The following MRC1 variants were observed in gnomAD, a reference collection of about 807,000 sequenced individuals.
The protein encoded by MRC1 is mannose receptor C-type 1.
MRC1 carries 62 observed loss-of-function variants against 102.9 expected under a neutral mutation model. That is an observed-to-expected ratio of 0.60 (90% confidence interval 0.49 to 0.74). The LOEUF (loss-of-function observed/expected upper bound fraction) is 0.74. Ranked by LOEUF, MRC1 falls within the 30% of genes least tolerant of loss-of-function variation. The probability of loss-of-function intolerance (pLI) is 0.00; values close to 1 mark genes in which losing one functional copy is unlikely to be tolerated. For synonymous variants in MRC1, 457 were observed against 298.4 expected (o/e 1.53, Z -5.48); for missense variants, 1,237 against 862.8 (o/e 1.43, Z -5.43).
At chr10:17,850,177 T>A (rs956710754) in intron 7 of MRC1, among the ~76,000 whole-genome samples, 1 of 152,148 alleles carries the variant, frequency 6.6e-6, no homozygotes, top group Non-Finnish European at 1.5e-5. Context: ...CTAAATGGAC[T>A]GTTTCAGACT....
At chr10:17,812,635 G>T (rs1838242016) in intron 1 of MRC1, among the ~76,000 whole-genome samples, 1 of 136,424 alleles carries the variant, frequency 7.3e-6, no homozygotes, top group African/African-American at 2.8e-5. Context: ...GCAATGGTGT[G>T]ATCTTGGCTC....
chr10:17,845,261 C>T (rs1838808700), intron 5 of MRC1, 28 bp from the exon 6 acceptor site: 1 of 780,602 alleles, frequency 1.3e-6, no homozygotes, highest in African/African-American at 1.7e-5. Context: ...CTATAATAGT[C>T]CACTTTAACT....
intron 11 of MRC1, chr10:17,865,426 C>G (rs1833251279): frequency 6.6e-6 from 1 of 152,268 alleles, no homozygotes; most frequent in Non-Finnish European, 1.5e-5. Flanking sequence ...GTAAGTGAAG[C>G]TGCTGAACTT....
intron 3 of MRC1, among the ~76,000 whole-genome samples, chr10:17,830,352 G>A (rs1380502811): frequency 1.3e-5 from 2 of 151,142 alleles, no homozygotes; most frequent in African/African-American, 2.5e-5. Flanking sequence ...GGCTGGTCTC[G>A]AACTCCTGAC....
At chr10:17,890,946 C>T (rs1017722653) in intron 22 of MRC1, among the ~76,000 whole-genome samples, 2 of 151,956 alleles carry the variant, frequency 1.3e-5, no homozygotes, top group East Asian at 1.9e-4. Flanking sequence ...ATTAGATTCT[C>T]ATAGAAACGT....
chr10:17,820,432 A>T (rs925441238), intron 1 of MRC1, among the ~76,000 whole-genome samples: 4 of 152,330 alleles, frequency 2.6e-5, no homozygotes, highest in African/African-American at 9.6e-5. Context: ...GCAGATAAAA[A>T]TTAGGCATAT....
At chr10:17,810,897 A>G (rs1403832033) in intron 1 of MRC1, among the ~76,000 whole-genome samples, 1 of 152,134 alleles carries the variant, frequency 6.6e-6, no homozygotes, top group Non-Finnish European at 1.5e-5. Context: ...GGTTCGAGTG[A>G]TTCTCCTGCC....
At chr10:17,857,341 C>G (rs1025920682) in intron 9 of MRC1, among the ~76,000 whole-genome samples, 15 of 152,344 alleles carry the variant, frequency 9.8e-5, no homozygotes, top group African/African-American at 3.4e-4. Flanking sequence ...TTCCAGCATA[C>G]GTTCATATTC....
At chr10:17,843,708 A>C (rs1589173959) in intron 5 of MRC1, among the ~76,000 whole-genome samples, 1 of 152,232 alleles carries the variant, frequency 6.6e-6, no homozygotes, top group Non-Finnish European at 1.5e-5. Flanking sequence ...ACTAACCATT[A>C]TTTTCTTTGT....
chr10:17,909,127 G>C (rs1365999738), intron 28 of MRC1, among the ~76,000 whole-genome samples, 179 bp from the exon 29 acceptor site: 1 of 152,062 alleles, frequency 6.6e-6, no homozygotes, highest in Admixed American at 6.6e-5. Context: ...TAGATATATA[G>C]ATAAAGGTAC....
chr10:17,879,920 A>G, intron 19 of MRC1, 99 bp downstream of exon 19: 3 of 774,654 alleles, frequency 3.9e-6, no homozygotes, highest in Non-Finnish European at 4.8e-6. Flanking sequence ...ACATCAGACA[A>G]GATAAGAAGA....
Position 17,875,108 on chromosome 10 carries a change from A to T in MRC1, c.2405A>T (p.Asp802Val), listed in dbSNP as rs965038953. Residue 802 changes from aspartate (D) to valine (V), a missense_variant, in exon 17 of 30, where the codon GAT (aspartate) becomes GTT (valine). Physicochemically the swap from Asp to Val is radical, Grantham distance 152 (BLOSUM62 -3). Coordinates refer to ENST00000569591, the MANE Select transcript of MRC1 (RefSeq NM_002438.4). Reference sequence around the variant, plus strand: ...TTTTCAGATCCACCAGTTACTGAAGATGGGTGGGTTATTTACAAAGACTAC... The same window carrying T: ...TTTTCAGATCCACCAGTTACTGAAGTTGGGTGGGTTATTTACAAAGACTAC... ...APQDNPPVTE[D>V]GWVIYKDYQY... The T allele has an allele frequency of 6.4e-6, 5 of 780,714 alleles. No homozygotes were observed. The African/African-American group carries it at 8.5e-5, about 13-fold the overall frequency. The allele number at this position is 780,714 out of a possible 1,614,324, so 48.4% of individuals were successfully genotyped here. A position where few individuals can be genotyped will look rare whatever the true frequency, so the allele number is the denominator to read the frequency against.
At chr10:17,871,868 A>G (rs1365634794) in intron 14 of MRC1, 114 bp from the exon 15 acceptor site, 2 of 698,550 alleles carry the variant, frequency 2.9e-6, no homozygotes, top group African/African-American at 3.6e-5. Flanking sequence ...ATTGTGAAAA[A>G]AAAGTAAATT....
At chr10:17,841,822 A>G (rs1838757195) in intron 5 of MRC1, among the ~76,000 whole-genome samples, 1 of 151,116 alleles carries the variant, frequency 6.6e-6, no homozygotes, top group Non-Finnish European at 1.5e-5. Flanking sequence ...GAGAAGTATC[A>G]TATTGGTCAC....
At chr10:17,901,830 A>T in intron 25 of MRC1, 143 bp from the exon 26 acceptor site, 1 of 735,830 alleles carries the variant, frequency 1.4e-6, no homozygotes, top group East Asian at 2.4e-5. Context: ...ACCCAATAAT[A>T]AATATGGTGA....
In MRC1 at chr10:17,893,010, GA is replaced by G. The variant is rs1208089477; in HGVS notation, c.3148-1184del. Among the ~76,000 whole-genome samples the G allele has an allele frequency of 8.1e-3, 1,096 of 135,462 alleles. 6 individuals are homozygous for G. Among genetic ancestry groups the G allele is most frequent in the South Asian group, 0.034 (139 of 4,094 alleles). 88.9% of individuals were successfully genotyped at this position (135,462 alleles called of 152,430 possible). ...GGCGACAGAGCGAGACTCCATCTAG[GA>G]AAAAAAAAAAAAAAATAGAAGATAA... On this transcript the variant is annotated intron_variant, in intron 22 of 29. Coordinates refer to ENST00000569591, the MANE Select transcript of MRC1 (RefSeq NM_002438.4).
rs782409779 is a variant in MRC1, at chr10:17,823,391, A to G, written c.379A>G (p.Ile127Val). The G allele has an allele frequency of 1.9e-5, 15 of 780,762 alleles. No individual in the cohort carries two copies. The highest frequency in any genetic ancestry group is 3.6e-5 in the Non-Finnish European group (15 of 417,966). 48.4% of individuals were successfully genotyped at this position (780,762 alleles called of 1,614,324 possible). A position where few individuals can be genotyped will look rare whatever the true frequency, so the allele number is the denominator to read the frequency against. The change falls in exon 2 of 30, where the codon ATT becomes GTT. Residue 127 changes from isoleucine to valine, a missense_variant. Coordinates refer to ENST00000569591, the MANE Select transcript of MRC1 (RefSeq NM_002438.4). ...CTACGGCAACAGACAAGAAAAGAAT[A>G]TTATGCTCTACAAGGGATCGGGTTT... ...FNYGNRQEKN[I>V]MLYKGSGLWS...
intron 3 of MRC1, among the ~76,000 whole-genome samples, chr10:17,828,643 T>C: frequency 6.6e-6 from 1 of 151,558 alleles, no homozygotes; most frequent in East Asian, 1.9e-4. Flanking sequence ...CAGGATACTC[T>C]TCTTATGTTT....
chr10:17,839,621 C>T (rs1183621866), intron 4 of MRC1, among the ~76,000 whole-genome samples: 8 of 152,018 alleles, frequency 5.3e-5, no homozygotes, highest in African/African-American at 1.9e-4. Context: ...GCAACCTGAG[C>T]ACCATAGTGA....
Sources: gnomAD v4.1 joint callset for allele counts (sites outside exome capture counted in the v4.1 genomes callset) on GRCh38, gnomAD v4.1.1 for gene constraint, MANE v1.5 for transcripts, NCBI Gene and HGNC (gene_info 2026-07-23, HGNC 2026-07-21) for gene names.